Variants in NCKAP5 observed in about 807,000 individuals in gnomAD.
NCKAP5 encodes the protein nck-associated protein 5.
In NCKAP5, 92 loss-of-function variants were observed where a neutral mutation model predicts 167.0. That is an observed-to-expected ratio of 0.55 (90% CI 0.47 to 0.66). NCKAP5 has a LOEUF of 0.66. Among genes scored for constraint, NCKAP5 ranks in the 30% least tolerant of loss-of-function variants. NCKAP5 has a pLI of 0.00. For synonymous variants in NCKAP5, 891 were observed against 877.4 expected (o/e 1.02, Z -0.27); for missense variants, 2,378 against 2,315.0 (o/e 1.03, Z -0.56).
chr2:133,650,574 T>C, the NCKAP5 span, among the ~76,000 whole-genome samples: 1 of 152,078 alleles, frequency 6.6e-6, no homozygotes, highest in Non-Finnish European at 1.5e-5. Flanking sequence ...TCAACTGTTG[T>C]TTAATAAAGG....
At chr2:133,643,155 C>T in the NCKAP5 span, among the ~76,000 whole-genome samples, 2 of 152,128 alleles carry the variant, frequency 1.3e-5, no homozygotes, top group African/African-American at 4.8e-5. Context: ...ATTGTCTGGC[C>T]ATTAATGGGC....
At chr2:132,936,338 C>T (rs1574692503) in intron 8 of NCKAP5, among the ~76,000 whole-genome samples, 1 of 151,998 alleles carries the variant, frequency 6.6e-6, no homozygotes, top group African/African-American at 2.4e-5. Context: ...TAAATCCAAA[C>T]TAACAAGGAG....
At chr2:133,157,528 A>C (rs1330906609) in intron 5 of NCKAP5, among the ~76,000 whole-genome samples, 1 of 152,176 alleles carries the variant, frequency 6.6e-6, no homozygotes, top group Non-Finnish European at 1.5e-5. Context: ...GTTTTGATTA[A>C]TGGTTTTCAC....
chr2:132,731,909 G>C lies in NCKAP5; in HGVS notation c.5271C>G (p.Ala1757=), dbSNP rs1329625575. Residue 1757 remains alanine, a synonymous_variant, in exon 17 of 20, where the codon GCC becomes GCG. Coordinates refer to ENST00000409261, the MANE Select transcript of NCKAP5 (RefSeq NM_207363.3). ...CTCTCATGGAAGAAACTGCAGAAAG[G>C]GCTGACTGGAGAGGCAGGAGAGGCT... is the stretch of plus-strand genomic sequence containing the variant. The part of the protein sequence containing the change: ...DAEPLLPLQS[A]LSAVSSMRAQ... 2.5e-6 allele frequency: 4 copies of C among 1,613,834 alleles called. No individual in the cohort carries two copies. Among genetic ancestry groups the C allele is most frequent in the Non-Finnish European group, 3.4e-6 (4 of 1,179,894 alleles).
chr2:133,211,923 G>C (rs957879506), intron 5 of NCKAP5, among the ~76,000 whole-genome samples: 6 of 152,200 alleles, frequency 3.9e-5, no homozygotes, highest in Non-Finnish European at 8.8e-5. Context: ...ACAGCTGTCT[G>C]AGATCATTTC....
chr2:133,582,537 C>T, the NCKAP5 span, among the ~76,000 whole-genome samples: 1 of 152,118 alleles, frequency 6.6e-6, no homozygotes, highest in Non-Finnish European at 1.5e-5. Context: ...AATTTTACCC[C>T]CTCACACACA....
intron 8 of NCKAP5, among the ~76,000 whole-genome samples, chr2:132,921,367 T>G (rs1249413533): frequency 6.6e-6 from 1 of 152,152 alleles, no homozygotes; most frequent in African/African-American, 2.4e-5. Context: ...TCCTCAAACA[T>G]GTGTCCCACT....
At chr2:133,458,114 C>A (rs1308223788) in intron 3 of NCKAP5, among the ~76,000 whole-genome samples, 1 of 152,050 alleles carries the variant, frequency 6.6e-6, no homozygotes, top group South Asian at 2.1e-4. Flanking sequence ...TTAAGCTGAA[C>A]AAACAGAGTT....
At chr2:133,563,192 C>T (rs1227335059) in intron 1 of NCKAP5, among the ~76,000 whole-genome samples, 2 of 152,106 alleles carry the variant, frequency 1.3e-5, no homozygotes, top group Non-Finnish European at 2.9e-5. Flanking sequence ...CACTCTTGAC[C>T]AAACTTTACT....
chr2:133,353,945 C>A (rs1401193258), intron 3 of NCKAP5, among the ~76,000 whole-genome samples: 1 of 152,208 alleles, frequency 6.6e-6, no homozygotes, highest in Non-Finnish European at 1.5e-5. Flanking sequence ...ATACACAAAG[C>A]TGTCACACTG....
At chr2:133,085,123 T>C (rs1431878855) in intron 6 of NCKAP5, among the ~76,000 whole-genome samples, 1 of 152,168 alleles carries the variant, frequency 6.6e-6, no homozygotes, top group African/African-American at 2.4e-5. Flanking sequence ...GCCTGCAAAC[T>C]GTAGTTTGCT....
At chr2:132,686,988 A>G (rs1336834753) in intron 19 of NCKAP5, among the ~76,000 whole-genome samples, 2 of 152,232 alleles carry the variant, frequency 1.3e-5, no homozygotes, top group Non-Finnish European at 2.9e-5. Flanking sequence ...AAGTGGAATC[A>G]TACCATTTAG....
chr2:133,517,659 C>G (rs1257312498), intron 2 of NCKAP5, 72 bp from the exon 3 acceptor site: 2 of 462,974 alleles, frequency 4.3e-6, no homozygotes, highest in Admixed American at 4.2e-5. Context: ...ACTCTCTAAC[C>G]AGAAACAAGC....
At chr2:133,656,482 C>T in the NCKAP5 span, among the ~76,000 whole-genome samples, 1 of 152,288 alleles carries the variant, frequency 6.6e-6, no homozygotes, top group Middle Eastern at 3.4e-3. Flanking sequence ...TTTCCTAGTT[C>T]ATGGGGGCTG....
At chr2:133,380,352 G>T (rs910720626) in intron 3 of NCKAP5, among the ~76,000 whole-genome samples, 1 of 151,926 alleles carries the variant, frequency 6.6e-6, no homozygotes, top group African/African-American at 2.4e-5. Flanking sequence ...AAAACAATTA[G>T]AATTTTTTTA....
chr2:132,925,732 G>A (rs1195150989), intron 8 of NCKAP5, among the ~76,000 whole-genome samples: 1 of 152,020 alleles, frequency 6.6e-6, no homozygotes, highest in African/African-American at 2.4e-5. Context: ...TGGGGGTTGG[G>A]GACCCCTGTT....
chr2:133,005,371 C>T (rs2077929267), intron 6 of NCKAP5, among the ~76,000 whole-genome samples: 1 of 152,152 alleles, frequency 6.6e-6, no homozygotes, highest in East Asian at 1.9e-4. Flanking sequence ...CAGCTGGTCC[C>T]TCCATTCAGG....
At chr2:133,574,194 C>A in the NCKAP5 span, among the ~76,000 whole-genome samples, 4 of 152,198 alleles carry the variant, frequency 2.6e-5, no homozygotes, top group African/African-American at 9.6e-5. Context: ...TTGTAATCAG[C>A]GCCTGCCCTG....
At chr2:133,396,332 C>A (rs1240726745) in intron 3 of NCKAP5, among the ~76,000 whole-genome samples, 1 of 152,080 alleles carries the variant, frequency 6.6e-6, no homozygotes, top group African/African-American at 2.4e-5. Context: ...GGCCTCAGCT[C>A]TCCCAGCCAA....
Sources: gnomAD v4.1 joint callset for allele counts (sites outside exome capture counted in the v4.1 genomes callset) on GRCh38, gnomAD v4.1.1 for gene constraint, MANE v1.5 for transcripts, NCBI Gene and HGNC (gene_info 2026-07-23, HGNC 2026-07-21) for gene names.